Variants in CATSPERG observed in about 807,000 individuals in gnomAD.
CATSPERG encodes catsper channel auxiliary subunit gamma, also known as cation channel sperm-associated auxiliary subunit gamma.
In CATSPERG, 115 loss-of-function variants were observed where a neutral mutation model predicts 145.0. The observed-to-expected ratio is 0.79, with a 90% CI of 0.68 to 0.93. The LOEUF (loss-of-function observed/expected upper bound fraction) is 0.93. Ranked by LOEUF, CATSPERG falls within the 40% of genes least tolerant of loss-of-function variation. The pLI, the probability that CATSPERG is intolerant of heterozygous loss-of-function variation, is 0.00. For synonymous variants in CATSPERG, 588 were observed against 589.0 expected (o/e 1.00, Z 0.02); for missense variants, 1,296 against 1,490.1 (o/e 0.87, Z 2.14).
In CATSPERG at chr19:38,344,906, T is replaced by A. The variant is rs1329431179; in HGVS notation, c.669+538T>A. ...ACATATATATATATATATATATTTT[T>A]TTTTTTTTTTTTTTTTTTGAGACGG... On this transcript the variant is annotated intron_variant, in intron 6 of 28. Coordinates refer to ENST00000409235, the MANE Select transcript of CATSPERG (RefSeq NM_021185.5). Among the ~76,000 whole-genome samples the A allele has an allele frequency of 4.2e-3, 508 of 119,558 alleles. 23 individuals are homozygous for A. The highest frequency in any genetic ancestry group is 8.7e-3 in the African/African-American group (286 of 32,974). 78.4% of individuals were successfully genotyped at this position (119,558 alleles called of 152,430 possible).
At chr19:38,358,635 A>C in intron 13 of CATSPERG, 74 bp downstream of exon 13, 2 of 1,579,754 alleles carry the variant, frequency 1.3e-6, no homozygotes, top group Non-Finnish European at 1.7e-6. Context: ...GGACCCTTTC[A>C]AGCCCAGGCT....
chr19:38,354,671 C>G (rs763998821), intron 8 of CATSPERG, 39 bp from the exon 9 acceptor site: 2 of 1,607,458 alleles, frequency 1.2e-6, no homozygotes, highest in Admixed American at 3.4e-5. Context: ...GCCCCAGATC[C>G]AACCACCTGG....
intron 3 of CATSPERG, among the ~76,000 whole-genome samples, chr19:38,339,540 C>G (rs1969902297): frequency 6.6e-6 from 1 of 152,176 alleles, no homozygotes; most frequent in African/African-American, 2.4e-5. Context: ...TCTCGGCACA[C>G]TGCAGTCTCT....
intron 9 of CATSPERG, among the ~76,000 whole-genome samples, chr19:38,355,714 A>C (rs1970231536): frequency 6.6e-6 from 1 of 152,188 alleles, no homozygotes; most frequent in Admixed American, 6.6e-5. Context: ...GATAGTAATA[A>C]TAATAATAAC....
At chr19:38,354,635 C>T in intron 8 of CATSPERG, 75 bp from the exon 9 acceptor site, 1 of 1,548,184 alleles carries the variant, frequency 6.5e-7, no homozygotes, top group Non-Finnish European at 8.8e-7. Flanking sequence ...TCACTAAAGC[C>T]AGGGAAATGT....
chr19:38,343,479 C>T, intron 3 of CATSPERG, 101 bp from the exon 4 acceptor site: 1 of 1,080,644 alleles, frequency 9.3e-7, no homozygotes, highest in Non-Finnish European at 1.3e-6. Context: ...AGTGTGCTGC[C>T]CCCGGACAGC....
chr19:38,352,439 G>A lies in CATSPERG; in HGVS notation c.997+7G>A. 1.3e-6 allele frequency: 2 copies of A among 1,551,410 alleles called. No individual in the cohort carries two copies. Among genetic ancestry groups the A allele is most frequent in the Non-Finnish European group, 1.7e-6 (2 of 1,147,062 alleles). Reference sequence around the variant, plus strand: ...GAGAGAAACCGCGGCAGTGGTGAGTGTGCTGTGGCTGGACCCACGCCTGGG... The same window carrying A: ...GAGAGAAACCGCGGCAGTGGTGAGTATGCTGTGGCTGGACCCACGCCTGGG... On this transcript the variant is annotated splice_region_variant and intron_variant, in intron 8 of 28. Coordinates refer to ENST00000409235, the MANE Select transcript of CATSPERG (RefSeq NM_021185.5).
intron 26 of CATSPERG, 104 bp from the exon 27 acceptor site, chr19:38,369,868 C>T: frequency 2.0e-6 from 2 of 989,030 alleles, no homozygotes; most frequent in Non-Finnish European, 3.3e-6. Flanking sequence ...CATGAGATTG[C>T]ACCCATTTGG....
chr19:38,340,559 A>T (rs1969920484), intron 3 of CATSPERG, among the ~76,000 whole-genome samples: 1 of 151,828 alleles, frequency 6.6e-6, no homozygotes. Context: ...ACCTCAGGTG[A>T]TCCACCTGCC....
At position 38,364,887 on chromosome 19, in the gene CATSPERG, C is replaced by T. The variant is rs756792998; in HGVS notation, c.2476-4C>T. 1 of 1,612,382 alleles carries T rather than the reference C, an allele frequency of 6.2e-7. No individual in the cohort carries two copies. Among genetic ancestry groups the T allele is most frequent in the African/African-American group, 1.3e-5 (1 of 74,906 alleles). On this transcript the variant is annotated splice_polypyrimidine_tract_variant and splice_region_variant and intron_variant, in intron 20 of 28. Coordinates refer to ENST00000409235, the MANE Select transcript of CATSPERG (RefSeq NM_021185.5). ...TTTCTGCCTCTCCCCTCCTTCAACC[C>T]CAGATTACGCTCAAGGATAAAAAGC...
At chr19:38,363,388 G>C (rs1786974883) in intron 20 of CATSPERG, among the ~76,000 whole-genome samples, 1 of 151,818 alleles carries the variant, frequency 6.6e-6, no homozygotes, top group African/African-American at 2.4e-5. Flanking sequence ...TGTTGCCCAG[G>C]CTGGCCTCGA....
intron 28 of CATSPERG, 29 bp from the exon 29 acceptor site, chr19:38,370,497 A>G (rs986253912): frequency 1.2e-6 from 2 of 1,613,028 alleles, no homozygotes; most frequent in South Asian, 2.2e-5. Context: ...TCATGTGCCA[A>G]CTCCTTACTC....
rs368534371 is a variant in CATSPERG, at chr19:38,343,976, C to T, written c.470-17C>T. On this transcript the variant is annotated splice_polypyrimidine_tract_variant and intron_variant, in intron 4 of 28. Transcript: ENST00000409235. ...TGGGAGGCCCCAGCAGTTTCAGTGC[C>T]CAGGGCCTCCCTGCAGAGCCATGCA... is the stretch of plus-strand genomic sequence containing the variant. The T allele has an allele frequency of 2.1e-4, 333 of 1,548,940 alleles. 1 individual carries two copies. In the African/African-American group the frequency reaches 4.1e-3, roughly 19 times the overall value.
chr19:38,367,439 C>G, intron 23 of CATSPERG, 70 bp from the exon 24 acceptor site: 1 of 1,567,868 alleles, frequency 6.4e-7, no homozygotes, highest in Non-Finnish European at 8.7e-7. Flanking sequence ...CACTTTCCCC[C>G]GTCTCGGTCC....
intron 6 of CATSPERG, 58 bp downstream of exon 6, chr19:38,344,426 G>T (rs975486644): frequency 6.9e-7 from 1 of 1,446,268 alleles, no homozygotes; most frequent in Admixed American, 2.0e-5. Context: ...TGACGCCCTG[G>T]TTACTTCCCA....
At chr19:38,350,372 TTTTG>T (rs1299110049) in intron 7 of CATSPERG, among the ~76,000 whole-genome samples, 3 of 152,204 alleles carry the variant, frequency 2.0e-5, no homozygotes, top group East Asian at 1.9e-4. Context: ...TTCCTCTGTT[TTTTG>T]TTTGTTTGCT....
chr19:38,337,082 T>C, intron 1 of CATSPERG, 139 bp from the exon 2 acceptor site: 3 of 1,028,828 alleles, frequency 2.9e-6, no homozygotes, highest in African/African-American at 1.7e-5. Context: ...CAAGAGCAAG[T>C]GCAGGGGCGG....
At chr19:38,362,600 C>T (rs1472194495) in intron 19 of CATSPERG, 26 bp downstream of exon 19, 1 of 1,611,066 alleles carries the variant, frequency 6.2e-7, no homozygotes, top group Non-Finnish European at 8.5e-7. Context: ...GAGTGGAGCC[C>T]GAAGGGCGGG....
chr19:38,357,676 GCAC>G (rs982268388), intron 11 of CATSPERG, among the ~76,000 whole-genome samples: 17 of 152,302 alleles, frequency 1.1e-4, no homozygotes, highest in Admixed American at 3.3e-4. Flanking sequence ...AATTGGCCGG[GCAC>G]GGCGGCTCAC....
Sources: gnomAD v4.1 joint callset for allele counts (sites outside exome capture counted in the v4.1 genomes callset) on GRCh38, gnomAD v4.1.1 for gene constraint, MANE v1.5 for transcripts, NCBI Gene and HGNC (gene_info 2026-07-23, HGNC 2026-07-21) for gene names.